LHCGR: variants seen among roughly 807,000 people sequenced by gnomAD.
LHCGR encodes lutropin-choriogonadotropic hormone receptor.
LHCGR carries 55 observed loss-of-function variants against 60.7 expected under a neutral mutation model. The ratio of observed to expected loss-of-function variants is 0.91; its 90% CI spans 0.73 to 1.13. The LOEUF (loss-of-function observed/expected upper bound fraction) is 1.13, where lower values mean the gene tolerates loss of function less well. LHCGR is among the 50% of genes most tolerant of loss of function. The pLI is 0.00. For synonymous variants in LHCGR, 337 were observed against 316.5 expected (o/e 1.06, Z -0.69); for missense variants, 862 against 836.0 (o/e 1.03, Z -0.38).
intron 10 of LHCGR, 91 bp downstream of exon 10, chr2:48,694,133 A>C (rs1416940382): frequency 2.4e-5 from 21 of 857,854 alleles, no homozygotes; most frequent in Middle Eastern, 4.8e-4. Context: ...CGTAACCAAG[A>C]CTTGTATCAA....
chr2:48,737,706 T>G (rs1012958352), intron 1 of LHCGR, among the ~76,000 whole-genome samples: 1 of 152,248 alleles, frequency 6.6e-6, no homozygotes, highest in African/African-American at 2.4e-5. Context: ...TCAGTATAGA[T>G]GAACATCCAA....
intron 1 of LHCGR, among the ~76,000 whole-genome samples, chr2:48,736,984 A>G (rs1669229016): frequency 6.6e-6 from 1 of 152,210 alleles, no homozygotes. Context: ...GAGCTTGAAT[A>G]CAAGATGTTT....
chr2:48,711,994 G>A (rs144975451), intron 7 of LHCGR, among the ~76,000 whole-genome samples: 6 of 151,984 alleles, frequency 3.9e-5, no homozygotes, highest in East Asian at 1.9e-4. Context: ...TCCCTAACTC[G>A]TATCTAGAAA....
At chr2:48,739,889 A>G (rs1303829246) in intron 1 of LHCGR, among the ~76,000 whole-genome samples, 2 of 152,246 alleles carry the variant, frequency 1.3e-5, no homozygotes, top group Non-Finnish European at 2.9e-5. Context: ...AGCGTGAGCA[A>G]CGCAGAAGAT....
chr2:48,690,220 A>C (rs1438629362), intron 10 of LHCGR, among the ~76,000 whole-genome samples: 3 of 152,172 alleles, frequency 2.0e-5, no homozygotes, highest in Non-Finnish European at 2.9e-5. Flanking sequence ...GATGACTTCC[A>C]AGGCCCTCCT....
chr2:48,729,274 T>G, intron 2 of LHCGR, 47 bp from the exon 3 acceptor site: 6 of 1,369,932 alleles, frequency 4.4e-6, no homozygotes, highest in Non-Finnish European at 5.2e-6. Flanking sequence ...ATGAAAGAAA[T>G]GACCGTGTCT....
At chr2:48,691,722 T>C (rs1325450715) in intron 10 of LHCGR, among the ~76,000 whole-genome samples, 3 of 151,950 alleles carry the variant, frequency 2.0e-5, no homozygotes, top group African/African-American at 7.3e-5. Context: ...GGTATGCCCC[T>C]GTAATCCCAG....
intron 1 of LHCGR, among the ~76,000 whole-genome samples, chr2:48,742,996 A>C (rs1312242585): frequency 6.6e-6 from 1 of 152,220 alleles, no homozygotes; most frequent in East Asian, 1.9e-4. Context: ...TGCAATAAAA[A>C]ATGATAAAGG....
rs34793365 is a variant in LHCGR at position 48,717,542 on chromosome 2, C to CTTATTATTATTATTATTATTATTA, written c.537-3489_537-3488insTAATAATAATAATAATAATAATAA. On this transcript the variant is annotated intron_variant, in intron 6 of 10. Coordinates refer to ENST00000294954, the MANE Select transcript of LHCGR (RefSeq NM_000233.4). ...TACAATAAATGCTTAATGTGTTGAT[C>CTTATTATTATTATTATTATTATTA]TTATTATTATTATTATTATATTTTT... is the stretch of plus-strand genomic sequence containing the variant. Among the ~76,000 whole-genome samples the CTTATTATTATTATTATTATTATTA allele has an allele frequency of 7.4e-3, 1,117 of 151,056 alleles. 6 individuals carry two copies. The highest frequency in any genetic ancestry group is 0.017 in the Middle Eastern group (5 of 292).
chr2:48,706,907 C>T (rs1014427259), intron 8 of LHCGR, among the ~76,000 whole-genome samples: 1 of 152,202 alleles, frequency 6.6e-6, no homozygotes, highest in African/African-American at 2.4e-5. Context: ...TCATCAAACT[C>T]ATTCTCCGAC....
chr2:48,721,637 G>C (rs1668501797), intron 6 of LHCGR: 1 of 465,680 alleles, frequency 2.1e-6, no homozygotes. Context: ...TTAGAATCCA[G>C]TGATATAAAA....
Position 48,687,385 on chromosome 2 carries a change from G to GA in LHCGR, c.*311dup, listed in dbSNP as rs1030499079. The GA allele has an allele frequency of 6.3e-5, 19 of 301,150 alleles. No homozygotes were observed. Among genetic ancestry groups the GA allele is most frequent in the East Asian group, 1.4e-4 (2 of 14,342 alleles). 18.7% of individuals were successfully genotyped at this position (301,150 alleles called of 1,614,324 possible). ...AGAATGCAATACAAATTACGAAAAT[G>GA]AAAAAAAAGATATGCAAAATACCTC... On this transcript the variant is annotated 3_prime_UTR_variant, in exon 11 of 11. Transcript: ENST00000294954.
At position 48,709,045 on chromosome 2, in the gene LHCGR, T is replaced by C. The variant is rs750571187; in HGVS notation, c.606-23A>G. 53 of 1,591,706 alleles carry C rather than the reference T, an allele frequency of 3.3e-5. No individual in the cohort carries two copies. The East Asian group carries it at 1.1e-3, about 33-fold the overall frequency. On this transcript the variant is annotated intron_variant, in intron 7 of 10. Transcript: ENST00000294954. ...TCCCTGTGGGGAAGGATATTGCCCT[T>C]AGTGGAGTTTGTACCTCATGTGTAA... is the stretch of plus-strand genomic sequence containing the variant.
In LHCGR at chr2:48,745,129, A is replaced by T. The variant is rs1432375252; in HGVS notation, c.161+10382T>A. On this transcript the variant is annotated intron_variant, in intron 1 of 10. Transcript: ENST00000294954. Reference sequence around the variant, plus strand: ...ATCACTGGCCATCAGAGAAATGCAAATCAAAACCACAATGAGATACCATCT... The same window carrying T: ...ATCACTGGCCATCAGAGAAATGCAATTCAAAACCACAATGAGATACCATCT... Among the ~76,000 whole-genome samples the T allele has an allele frequency of 2.0e-5, 3 of 152,364 alleles. No homozygotes were observed. The East Asian group carries it at 5.8e-4, about 29-fold the overall frequency.
chr2:48,725,838 G>A lies in LHCGR; in HGVS notation c.309-88C>T, dbSNP rs1668695227. On this transcript the variant is annotated intron_variant, in intron 3 of 10. Transcript: ENST00000294954. ...GAGATCATGGTCACCAGAAGTTGCTGGCTGAAAATGGCATCAGCAAAAGCA... is the reference window on the plus strand; with the variant it reads ...GAGATCATGGTCACCAGAAGTTGCTAGCTGAAAATGGCATCAGCAAAAGCA... 1.9e-5 allele frequency: 20 copies of A among 1,070,102 alleles called. No homozygotes were observed. The South Asian group carries it at 2.4e-4, about 13-fold the overall frequency. 66.3% of individuals were successfully genotyped at this position (1,070,102 alleles called of 1,614,324 possible). A position where few individuals can be genotyped will look rare whatever the true frequency, so the allele number is the denominator to read the frequency against.
intron 7 of LHCGR, among the ~76,000 whole-genome samples, chr2:48,713,609 G>A (rs2104430577): frequency 6.6e-6 from 1 of 152,304 alleles, no homozygotes; most frequent in South Asian, 2.1e-4. Flanking sequence ...CTGGTAAATG[G>A]TGGTGTTATC....
chr2:48,743,304 A>C (rs1003417726), intron 1 of LHCGR, among the ~76,000 whole-genome samples: 1 of 152,060 alleles, frequency 6.6e-6, no homozygotes, highest in Non-Finnish European at 1.5e-5. Context: ...AACTATTCCA[A>C]TCAATAGAAA....
chr2:48,752,786 C>A (rs925330549), intron 1 of LHCGR, among the ~76,000 whole-genome samples: 1 of 152,008 alleles, frequency 6.6e-6, no homozygotes, highest in African/African-American at 2.4e-5. Context: ...CCTCCTACCC[C>A]CATTGAGATC....
rs1307478802 is a variant in LHCGR at position 48,729,134 on chromosome 2, T to C, written c.308+19A>G. The C allele has an allele frequency of 3.2e-6, 5 of 1,569,060 alleles. No homozygotes were observed. Among genetic ancestry groups the C allele is most frequent in the East Asian group, 2.2e-5 (1 of 44,686 alleles). On this transcript the variant is annotated intron_variant, in intron 3 of 10. Coordinates refer to ENST00000294954, the MANE Select transcript of LHCGR (RefSeq NM_000233.4). ...GGTAATAGTGTACAGCAGTAAACTG[T>C]CTGTTAGCTGATGCTTACATTTCAG...
Sources: gnomAD v4.1 joint callset for allele counts (sites outside exome capture counted in the v4.1 genomes callset) on GRCh38, gnomAD v4.1.1 for gene constraint, MANE v1.5 for transcripts, NCBI Gene and HGNC (gene_info 2026-07-23, HGNC 2026-07-21) for gene names.